Variants in DSCAM observed in about 807,000 individuals in gnomAD.
DSCAM encodes the protein DS cell adhesion molecule.
DSCAM carries 47 observed loss-of-function variants against 217.7 expected under a neutral mutation model. The ratio of observed to expected loss-of-function variants is 0.22; its 90% CI spans 0.17 to 0.28. The LOEUF is 0.28. DSCAM is among the 10% of genes least tolerant of loss of function. DSCAM has a pLI of 1.00. For missense variants in DSCAM, 2,080 were observed against 2,618.3 expected, an observed-to-expected ratio of 0.79 and a Z score of 4.49; for synonymous variants, 1,056 against 1,015.3, an observed-to-expected ratio of 1.04 and a Z score of -0.76.
At chr21:40,800,134 C>T (rs1279755179) in intron 1 of DSCAM, among the ~76,000 whole-genome samples, 1 of 152,226 alleles carries the variant, frequency 6.6e-6, no homozygotes, top group East Asian at 1.9e-4. Context: ...CACCTCAGGA[C>T]TTTACAGAGT....
intron 18 of DSCAM, among the ~76,000 whole-genome samples, chr21:40,137,642 C>T: frequency 1.1e-5 from 1 of 93,326 alleles, no homozygotes; most frequent in Non-Finnish European, 2.2e-5. Context: ...CACACACACA[C>T]ACATTAACTG....
intron 3 of DSCAM, among the ~76,000 whole-genome samples, chr21:40,445,903 T>C (rs1205971895): frequency 6.6e-6 from 1 of 152,218 alleles, no homozygotes; most frequent in Admixed American, 6.5e-5. Context: ...TCTATTACCT[T>C]CAATGCAAGG....
intron 9 of DSCAM, among the ~76,000 whole-genome samples, chr21:40,300,127 C>G (rs924412806): frequency 2.6e-5 from 4 of 152,092 alleles, no homozygotes. Flanking sequence ...TCTTACTCAA[C>G]AAACCTCCTG....
At chr21:40,266,212 A>G (rs776916115) in intron 11 of DSCAM, among the ~76,000 whole-genome samples, 1 of 145,684 alleles carries the variant, frequency 6.9e-6, no homozygotes, top group Non-Finnish European at 1.5e-5. Flanking sequence ...TATTTCTCAA[A>G]AGAAGATATA....
At chr21:40,647,003 G>C (rs1404643041) in intron 3 of DSCAM, among the ~76,000 whole-genome samples, 1 of 152,196 alleles carries the variant, frequency 6.6e-6, no homozygotes, top group Non-Finnish European at 1.5e-5. Context: ...AAGACACAAA[G>C]TTGTTCAAAT....
intron 3 of DSCAM, among the ~76,000 whole-genome samples, chr21:40,613,235 A>G (rs2089340164): frequency 6.6e-6 from 1 of 152,230 alleles, no homozygotes; most frequent in South Asian, 2.1e-4. Flanking sequence ...AATGTTTTAA[A>G]TAGGAACAAA....
intron 3 of DSCAM, among the ~76,000 whole-genome samples, chr21:40,545,404 C>T (rs2076574056): frequency 6.6e-6 from 1 of 152,154 alleles, no homozygotes; most frequent in South Asian, 2.1e-4. Flanking sequence ...GGATAGGCAG[C>T]CCTGTAATAT....
chr21:40,690,931 C>T (rs772035366), intron 3 of DSCAM, among the ~76,000 whole-genome samples: 84 of 152,034 alleles, frequency 5.5e-4, no homozygotes, highest in South Asian at 1.0e-3. Flanking sequence ...GGGCCTACTT[C>T]GGGGTGGAGG....
intron 3 of DSCAM, among the ~76,000 whole-genome samples, chr21:40,524,105 T>A (rs1336814422): frequency 1.3e-5 from 2 of 152,138 alleles, no homozygotes; most frequent in Non-Finnish European, 2.9e-5. Context: ...TAGTGGCAGT[T>A]GGGTCCTTAA....
Position 40,403,252 on chromosome 21 carries a change from TG to T in DSCAM, c.509-34008del, listed in dbSNP as rs147291320. The stretch of plus-strand genomic sequence containing the variant: ...TGAACTAGCATACTTTAATGGAGAA[TG>T]TACATTTTAAAAGAACAATTTTTTA... On this transcript the variant is annotated intron_variant, in intron 3 of 32. Transcript: ENST00000400454. 2.3e-3 allele frequency among the ~76,000 whole-genome samples: 354 copies of T among 152,198 alleles called. 3 individuals carry two copies. The highest frequency in any genetic ancestry group is 8.3e-3 in the African/African-American group (343 of 41,540).
At chr21:40,525,438 C>A (rs1239948651) in intron 3 of DSCAM, among the ~76,000 whole-genome samples, 1 of 152,134 alleles carries the variant, frequency 6.6e-6, no homozygotes, top group Non-Finnish European at 1.5e-5. Context: ...GCAGCTACAC[C>A]ACGGGGGTTC....
chr21:40,447,376 T>C (rs912042717), intron 3 of DSCAM, among the ~76,000 whole-genome samples: 1 of 152,244 alleles, frequency 6.6e-6, no homozygotes, highest in African/African-American at 2.4e-5. Flanking sequence ...AATGTACTTA[T>C]TGTATTTTTC....
chr21:40,161,440 A>C (rs954620608), intron 16 of DSCAM, among the ~76,000 whole-genome samples: 1 of 152,072 alleles, frequency 6.6e-6, no homozygotes, highest in African/African-American at 2.4e-5. Context: ...CCACCTCTTG[A>C]TATGAACCTT....
chr21:40,241,222 T>C (rs2073148341), intron 11 of DSCAM, among the ~76,000 whole-genome samples: 1 of 152,056 alleles, frequency 6.6e-6, no homozygotes, highest in Non-Finnish European at 1.5e-5. Flanking sequence ...TGTGAGAAAA[T>C]ATTTGAAAAC....
At chr21:40,760,318 A>T (rs1479745921) in intron 1 of DSCAM, among the ~76,000 whole-genome samples, 1 of 152,130 alleles carries the variant, frequency 6.6e-6, no homozygotes, top group Non-Finnish European at 1.5e-5. Flanking sequence ...GCCCAGCCAC[A>T]TTCACATTTA....
chr21:40,196,607 C>A (rs953691852), intron 11 of DSCAM, among the ~76,000 whole-genome samples: 1 of 145,254 alleles, frequency 6.9e-6, no homozygotes, highest in Admixed American at 6.6e-5. Context: ...TTCCCTCTAT[C>A]CTTCTGTTCC....
At chr21:40,571,100 A>G (rs1180433397) in intron 3 of DSCAM, among the ~76,000 whole-genome samples, 1 of 152,132 alleles carries the variant, frequency 6.6e-6, no homozygotes, top group Non-Finnish European at 1.5e-5. Flanking sequence ...AGAAAAAAAA[A>G]TTGAAAAGAA....
intron 2 of DSCAM, among the ~76,000 whole-genome samples, chr21:40,705,363 C>T (rs980019134): frequency 6.6e-6 from 1 of 152,128 alleles, no homozygotes; most frequent in Non-Finnish European, 1.5e-5. Flanking sequence ...GCCTGAGGTC[C>T]AGTCTTGAAA....
intron 16 of DSCAM, 63 bp downstream of exon 16, chr21:40,167,155 A>G: frequency 5.5e-6 from 8 of 1,467,198 alleles, no homozygotes; most frequent in Non-Finnish European, 7.6e-6. Flanking sequence ...ATAACACTGA[A>G]CAGGAGTGAA....
Sources: allele counts gnomAD v4.1 joint callset (sites outside exome capture counted in the v4.1 genomes callset), GRCh38; gene constraint gnomAD v4.1.1; transcripts MANE v1.5; gene names NCBI Gene and HGNC (gene_info 2026-07-23, HGNC 2026-07-21).